Variants in EPHA3 observed in about 807,000 individuals in gnomAD.
The protein encoded by EPHA3 is ephrin type-A receptor 3.
Under a neutral mutation model 107.1 loss-of-function variants are expected in EPHA3, and 42 were observed. That is an observed-to-expected ratio of 0.39 (90% confidence interval 0.31 to 0.51). The LOEUF (loss-of-function observed/expected upper bound fraction) is 0.51, where lower values mean the gene tolerates loss of function less well. EPHA3 is among the 20% of genes least tolerant of loss of function. The pLI, the probability that EPHA3 is intolerant of heterozygous loss-of-function variation, is 0.78. For missense variants in EPHA3, 1,183 were observed against 1,211.2 expected (o/e 0.98, Z 0.35); for synonymous variants, 461 against 424.8 (o/e 1.09, Z -1.05).
At position 89,107,686 on chromosome 3, in the gene EPHA3, C is replaced by G; in HGVS notation, c.-63C>G. Reference sequence around the variant, plus strand: ...ACTTCTCCAGCAATCAGAGCGCTCCCCCTCACATCAGTGGCATGCTTCATG... The same window carrying G: ...ACTTCTCCAGCAATCAGAGCGCTCCGCCTCACATCAGTGGCATGCTTCATG... On this transcript the variant is annotated 5_prime_UTR_variant, in exon 1 of 17. Transcript: ENST00000336596. 7 of 1,459,916 alleles carry G rather than the reference C, an allele frequency of 4.8e-6. No homozygotes were observed. Among genetic ancestry groups the G allele is most frequent in the South Asian group, 4.6e-5 (4 of 87,014 alleles). The allele number at this position is 1,459,916 out of a possible 1,614,324, so 90.4% of individuals were successfully genotyped here. A position where few individuals can be genotyped will look rare whatever the true frequency, so the allele number is the denominator to read the frequency against.
In EPHA3 at chr3:89,189,233, ATTAAAGTCC is replaced by A. The variant is rs1487608906; in HGVS notation, c.154-20626_154-20618del. On this transcript the variant is annotated intron_variant, in intron 2 of 16. Transcript: ENST00000336596. ...AATTGACATTAAGTGGGATTCTAGTATTAAAGTCCAAACCTTCATTTCATTAGTATTAAT... is the reference window on the plus strand; with the variant it reads ...AATTGACATTAAGTGGGATTCTAGTAAAACCTTCATTTCATTAGTATTAAT... Among the ~76,000 whole-genome samples the A allele has an allele frequency of 1.8e-4, 28 of 152,332 alleles. No homozygotes were observed. In the South Asian group the frequency reaches 5.6e-3, roughly 30 times the overall value.
chr3:89,159,802 A>T (rs1704889448), intron 2 of EPHA3, among the ~76,000 whole-genome samples: 1 of 152,106 alleles, frequency 6.6e-6, no homozygotes. Context: ...GTAATGAAAC[A>T]TCTTAGCTTC....
At chr3:89,403,716 A>G (rs1709005873) in intron 7 of EPHA3, among the ~76,000 whole-genome samples, 1 of 152,204 alleles carries the variant, frequency 6.6e-6, no homozygotes, top group South Asian at 2.1e-4. Flanking sequence ...AGTGAAAGTT[A>G]AGATCAAATA....
At chr3:89,271,482 C>G (rs892872842) in intron 3 of EPHA3, among the ~76,000 whole-genome samples, 1 of 151,888 alleles carries the variant, frequency 6.6e-6, no homozygotes, top group African/African-American at 2.4e-5. Flanking sequence ...AGCAACTTGG[C>G]TTTCTCTCAC....
Position 89,175,777 on chromosome 3 carries a change from C to T in EPHA3, c.154-34083C>T, listed in dbSNP as rs1419412902. Among the ~76,000 whole-genome samples, 18 of 152,110 alleles carry T rather than the reference C, an allele frequency of 1.2e-4. No homozygotes were observed. The East Asian group carries it at 2.1e-3, about 18-fold the overall frequency. ...CCTTTTGGTTTCTGAACCATGCCTG[C>T]GATTCTATTCTGGTTCTCTTATATT... On this transcript the variant is annotated intron_variant, in intron 2 of 16. Transcript: ENST00000336596.
At chr3:89,126,582 T>C (rs1251169679) in intron 1 of EPHA3, among the ~76,000 whole-genome samples, 1 of 151,636 alleles carries the variant, frequency 6.6e-6, no homozygotes, top group Non-Finnish European at 1.5e-5. Flanking sequence ...TTACTTTAAA[T>C]AAGTAAAGCT....
At chr3:89,176,980 C>A (rs1335957749) in intron 2 of EPHA3, among the ~76,000 whole-genome samples, 1 of 151,982 alleles carries the variant, frequency 6.6e-6, no homozygotes, top group Non-Finnish European at 1.5e-5. Context: ...GGACACATAT[C>A]TCACACACAC....
intron 16 of EPHA3, among the ~76,000 whole-genome samples, chr3:89,477,977 G>A (rs1462451860): frequency 6.6e-6 from 1 of 152,114 alleles, no homozygotes; most frequent in African/African-American, 2.4e-5. Context: ...AAAACAGAAA[G>A]TGCAGATACA....
chr3:89,366,426 C>A (rs1363177864), intron 5 of EPHA3, among the ~76,000 whole-genome samples: 2 of 150,682 alleles, frequency 1.3e-5, no homozygotes, highest in South Asian at 4.2e-4. Context: ...AGATAATATA[C>A]AGCATTTTAG....
At chr3:89,439,545 A>G (rs1709741070) in intron 13 of EPHA3, among the ~76,000 whole-genome samples, 1 of 152,174 alleles carries the variant, frequency 6.6e-6, no homozygotes, top group Non-Finnish European at 1.5e-5. Flanking sequence ...CTACTAATTT[A>G]CCATCGCTTC....
At chr3:89,269,010 A>C (rs1300385231) in intron 3 of EPHA3, among the ~76,000 whole-genome samples, 2 of 152,016 alleles carry the variant, frequency 1.3e-5, no homozygotes, top group East Asian at 3.9e-4. Context: ...TAGAATTTTA[A>C]AAGTAATATG....
intron 2 of EPHA3, among the ~76,000 whole-genome samples, chr3:89,178,594 G>T (rs954860279): frequency 5.9e-5 from 9 of 151,852 alleles, no homozygotes; most frequent in Non-Finnish European, 2.9e-5. Context: ...GTGGATTGGA[G>T]CAGATATTGT....
chr3:89,271,387 T>C (rs1705665950), intron 3 of EPHA3, among the ~76,000 whole-genome samples: 2 of 152,000 alleles, frequency 1.3e-5, no homozygotes, highest in South Asian at 2.1e-4. Context: ...TGAATGGTGT[T>C]CATGATAAAT....
At chr3:89,152,107 G>A (rs12495783) in intron 2 of EPHA3, among the ~76,000 whole-genome samples, 17,111 of 151,950 alleles carry the variant, frequency 0.11, 992 homozygotes, top group Middle Eastern at 0.18. Context: ...ATATTTGGAC[G>A]CATATTTTAA....
intron 2 of EPHA3, among the ~76,000 whole-genome samples, chr3:89,143,063 GA>G (rs2107020807): frequency 6.6e-6 from 1 of 150,692 alleles, no homozygotes; most frequent in South Asian, 2.1e-4. Flanking sequence ...TATAACTAAT[GA>G]AAAAATGAAA....
chr3:89,145,613 C>T (rs1704538567), intron 2 of EPHA3, among the ~76,000 whole-genome samples: 1 of 151,798 alleles, frequency 6.6e-6, no homozygotes, highest in South Asian at 2.1e-4. Flanking sequence ...TTAAATGAGT[C>T]AAATTTTTTA....
chr3:89,137,302 T>G (rs1704334753), intron 2 of EPHA3, among the ~76,000 whole-genome samples: 1 of 151,932 alleles, frequency 6.6e-6, no homozygotes, highest in South Asian at 2.1e-4. Context: ...TTCATTCCAT[T>G]ACGTGTAAAA....
chr3:89,416,386 C>A (rs1291879870), intron 10 of EPHA3, among the ~76,000 whole-genome samples: 1 of 151,256 alleles, frequency 6.6e-6, no homozygotes, highest in Non-Finnish European at 1.5e-5. Flanking sequence ...TAAAACTTGG[C>A]CAGATGAAAC....
At chr3:89,390,705 C>T (rs1708709607) in intron 5 of EPHA3, among the ~76,000 whole-genome samples, 2 of 151,176 alleles carry the variant, frequency 1.3e-5, no homozygotes, top group African/African-American at 4.9e-5. Context: ...GTGGCCTGGA[C>T]TTAGGGAAGA....
Sources: allele counts gnomAD v4.1 joint callset (sites outside exome capture counted in the v4.1 genomes callset), GRCh38; gene constraint gnomAD v4.1.1; transcripts MANE v1.5; gene names NCBI Gene and HGNC (gene_info 2026-07-23, HGNC 2026-07-21).